The following GALNT7 variants were observed in gnomAD, a reference collection of about 807,000 sequenced individuals.
GALNT7 encodes the protein polypeptide N-acetylgalactosaminyltransferase 7.
In GALNT7, 60 loss-of-function variants were observed where a neutral mutation model predicts 82.1. That is an observed-to-expected ratio of 0.73 (90% CI 0.59 to 0.91). The LOEUF is 0.91. Ranked by LOEUF, GALNT7 falls within the 40% of genes least tolerant of loss-of-function variation. The probability of loss-of-function intolerance (pLI) is 0.00; values close to 1 mark genes in which losing one functional copy is unlikely to be tolerated. For synonymous variants in GALNT7, 243 were observed against 275.1 expected (o/e 0.88, Z 1.15); for missense variants, 660 against 804.2 (o/e 0.82, Z 2.17).
chr4:173,211,681 C>T (rs1165644823), intron 1 of GALNT7, among the ~76,000 whole-genome samples: 1 of 152,228 alleles, frequency 6.6e-6, no homozygotes, highest in African/African-American at 2.4e-5. Flanking sequence ...CACACACACA[C>T]ATTGTCTAAA....
intron 1 of GALNT7, among the ~76,000 whole-genome samples, chr4:173,201,545 T>C (rs1732945194): frequency 6.6e-6 from 1 of 152,224 alleles, no homozygotes; most frequent in African/African-American, 2.4e-5. Flanking sequence ...AGAATTGGGT[T>C]ATATATCTTA....
At chr4:173,269,038 A>C (rs926042052) in intron 2 of GALNT7, among the ~76,000 whole-genome samples, 1 of 152,124 alleles carries the variant, frequency 6.6e-6, no homozygotes, top group African/African-American at 2.4e-5. Context: ...AATGCCCAGT[A>C]CCCCATTATA....
At chr4:173,246,756 G>A (rs939657660) in intron 1 of GALNT7, among the ~76,000 whole-genome samples, 3 of 152,018 alleles carry the variant, frequency 2.0e-5, no homozygotes, top group Admixed American at 6.6e-5. Context: ...ATTTTTTAAG[G>A]CAAACTAGTA....
Position 173,295,477 on chromosome 4 carries a change from G to T in GALNT7, c.836G>T (p.Gly279Val). The T allele has an allele frequency of 2.5e-6, 4 of 1,612,800 alleles. No individual in the cohort carries two copies. The highest frequency in any genetic ancestry group is 3.4e-6 in the Non-Finnish European group (4 of 1,178,838). Residue 279 changes from glycine (G) to valine (V), a missense_variant, in exon 4 of 12, where the codon GGT becomes GTT. Around this residue, in one of 2 missense-constraint regions of GALNT7, gnomAD observed 527 missense variants for 683.5 expected, o/e 0.77. Coordinates refer to ENST00000265000, the MANE Select transcript of GALNT7 (RefSeq NM_017423.3). ...GTATTTCGAAATGAAAGAAGGGAAG[G>T]TTTAATTCAAGCACGAAGTATTGGT... ...VKVFRNERRE[G>V]LIQARSIGAQ...
At chr4:173,282,900 C>G (rs1263533702) in intron 2 of GALNT7, among the ~76,000 whole-genome samples, 1 of 152,122 alleles carries the variant, frequency 6.6e-6, no homozygotes, top group Non-Finnish European at 1.5e-5. Context: ...TGACCTTCCC[C>G]AAAAAGGAAA....
Position 173,212,287 on chromosome 4 carries a change from C to T in GALNT7, c.127-35693C>T, listed in dbSNP as rs867605434. Among the ~76,000 whole-genome samples the T allele has an allele frequency of 4.6e-5, 7 of 152,034 alleles. 1 individual carries two copies. The highest frequency in any genetic ancestry group is 4.2e-4 in the South Asian group (2 of 4,810). Reference sequence around the variant, plus strand: ...TAAATATTTTCATAGTTCTTTAATCCGTATGCTTATTAAAAATCAACTTAA... The same window carrying T: ...TAAATATTTTCATAGTTCTTTAATCTGTATGCTTATTAAAAATCAACTTAA... On this transcript the variant is annotated intron_variant, in intron 1 of 11. Coordinates refer to ENST00000265000, the MANE Select transcript of GALNT7 (RefSeq NM_017423.3).
intron 1 of GALNT7, among the ~76,000 whole-genome samples, chr4:173,224,301 T>A (rs1050525659): frequency 1.3e-5 from 2 of 152,078 alleles, no homozygotes; most frequent in Non-Finnish European, 2.9e-5. Flanking sequence ...TTTCCCATTA[T>A]TTTTTCAGGG....
At chr4:173,217,387 A>G (rs1733503173) in intron 1 of GALNT7, among the ~76,000 whole-genome samples, 1 of 152,188 alleles carries the variant, frequency 6.6e-6, no homozygotes, top group African/African-American at 2.4e-5. Flanking sequence ...ACATTTCAAA[A>G]TACAATATTA....
chr4:173,174,491 C>G (rs993670838), intron 1 of GALNT7, among the ~76,000 whole-genome samples: 2 of 152,212 alleles, frequency 1.3e-5, no homozygotes, highest in African/African-American at 4.8e-5. Flanking sequence ...TAGGTCTGAA[C>G]ATTTCGGAAA....
chr4:173,302,580 A>G lies in GALNT7; in HGVS notation c.1266+416A>G, dbSNP rs1736986390. Among the ~76,000 whole-genome samples, 1 of 152,222 alleles carries G rather than the reference A, an allele frequency of 6.6e-6. No homozygotes were observed. The highest frequency in any genetic ancestry group is 1.5e-5 in the Non-Finnish European group (1 of 68,044). On this transcript the variant is annotated intron_variant, in intron 7 of 11. Transcript: ENST00000265000. This position sits in a 1 kb window ranked among gnomAD's most constrained non-coding sequence, Gnocchi z 4.2. ...AGAAGCAGAGCCCCACAATGACTGT[A>G]TCCTCAGGCTGACTTTGGCGCTGTC...
chr4:173,264,593 C>A (rs1735410187), intron 2 of GALNT7, among the ~76,000 whole-genome samples: 1 of 152,152 alleles, frequency 6.6e-6, no homozygotes, highest in South Asian at 2.1e-4. Context: ...AAGTGACTTC[C>A]TAGGCAACTC....
At position 173,321,692 on chromosome 4, in the gene GALNT7, A is replaced by G; in HGVS notation, c.1949A>G (p.Glu650Gly). 1 of 1,608,244 alleles carries G rather than the reference A, an allele frequency of 6.2e-7. No homozygotes were observed. The highest frequency in any genetic ancestry group is 8.5e-7 in the Non-Finnish European group (1 of 1,174,888). Residue 650 changes from glutamate to glycine, a missense_variant, in exon 12 of 12, where the codon GAA becomes GGA. Glu to Gly is a moderately conservative substitution (Grantham distance 98). Around this residue, in one of 2 missense-constraint regions of GALNT7, gnomAD observed 527 missense variants for 683.5 expected, o/e 0.77. Transcript: ENST00000265000. ...CDSSKTTQKW[E>G]MNNIHSV ...TCCAGTAAAACGACTCAAAAATGGG[A>G]AATGAATAACATCCATAGTGTTTAG...
chr4:173,314,881 A>C (rs1349309201), intron 9 of GALNT7, among the ~76,000 whole-genome samples: 1 of 152,134 alleles, frequency 6.6e-6, no homozygotes, highest in Non-Finnish European at 1.5e-5. Flanking sequence ...CTGCTTAATT[A>C]TGTTCAGCAA....
chr4:173,243,395 A>C (rs1734499361), intron 1 of GALNT7, among the ~76,000 whole-genome samples: 1 of 152,162 alleles, frequency 6.6e-6, no homozygotes, highest in Non-Finnish European at 1.5e-5. Flanking sequence ...CTGATCTTGG[A>C]AAATTATCTA....
At chr4:173,217,508 C>T (rs1733509295) in intron 1 of GALNT7, among the ~76,000 whole-genome samples, 1 of 152,100 alleles carries the variant, frequency 6.6e-6, no homozygotes, top group African/African-American at 2.4e-5. Flanking sequence ...AAGTGAAAAG[C>T]ATGTTTTAGT....
At chr4:173,231,336 AT>A (rs1734026343) in intron 1 of GALNT7, among the ~76,000 whole-genome samples, 2 of 152,188 alleles carry the variant, frequency 1.3e-5, no homozygotes, top group Admixed American at 1.3e-4. Context: ...TAAAGTATAT[AT>A]TAATCGCATG....
chr4:173,319,176 C>A (rs1470516160), intron 11 of GALNT7, among the ~76,000 whole-genome samples: 1 of 152,008 alleles, frequency 6.6e-6, no homozygotes, highest in Non-Finnish European at 1.5e-5. Context: ...TTGAGGATTA[C>A]AACATATTAA....
intron 1 of GALNT7, among the ~76,000 whole-genome samples, chr4:173,246,003 C>A (rs1734617488): frequency 6.6e-6 from 1 of 152,216 alleles, no homozygotes; most frequent in Non-Finnish European, 1.5e-5. Context: ...AAAGGCATCA[C>A]ATTTATACAA....
intron 2 of GALNT7, among the ~76,000 whole-genome samples, chr4:173,254,570 T>C (rs919762310): frequency 2.9e-4 from 44 of 152,194 alleles, no homozygotes; most frequent in African/African-American, 9.9e-4. Flanking sequence ...ATTTAGAATA[T>C]ATAGAAATCA....
Sources: gnomAD v4.1 joint callset for allele counts (sites outside exome capture counted in the v4.1 genomes callset) on GRCh38, gnomAD v4.1.1 for gene constraint, gnomAD v4.1.1 regional missense constraint, Gnocchi (gnomAD v3.1) non-coding constraint, MANE v1.5 for transcripts, NCBI Gene and HGNC (gene_info 2026-07-23, HGNC 2026-07-21) for gene names.